The following CELF2 variants were observed in gnomAD, a reference collection of about 807,000 sequenced individuals.
The protein encoded by CELF2 is CUGBP Elav-like family member 2, also known as CUG triplet repeat RNA-binding protein 2.
Under a neutral mutation model 62.6 loss-of-function variants are expected in CELF2, and 8 were observed. That is an observed-to-expected ratio of 0.13 (90% CI 0.07 to 0.23). The LOEUF is 0.23. Ranked by LOEUF, CELF2 falls within the 10% of genes least tolerant of loss-of-function variation. The pLI, the probability that CELF2 is intolerant of heterozygous loss-of-function variation, is 1.00. For synonymous variants in CELF2, 258 were observed against 250.0 expected (o/e 1.03, Z -0.30); for missense variants, 333 against 671.0 (o/e 0.50, Z 5.56).
chr10:11,212,430 C>T (rs973772877), intron 2 of CELF2, among the ~76,000 whole-genome samples: 1 of 152,194 alleles, frequency 6.6e-6, no homozygotes, highest in African/African-American at 2.4e-5. Flanking sequence ...AAGGGCCCTG[C>T]TAGATGTTGA....
rs2066721766 is a variant in CELF2, at chr10:11,165,260, G to C, written c.75-226G>C. 2.4e-5 allele frequency: 33 copies of C among 1,373,786 alleles called. No individual in the cohort carries two copies. Among genetic ancestry groups the C allele is most frequent in the Non-Finnish European group, 2.4e-5 (26 of 1,063,048 alleles). 85.1% of individuals were successfully genotyped at this position (1,373,786 alleles called of 1,614,324 possible). A position where few individuals can be genotyped will look rare whatever the true frequency, so the allele number is the denominator to read the frequency against. On this transcript the variant is annotated intron_variant, in intron 1 of 12. Transcript: ENST00000633077. The surrounding 1 kb of genome is among the most constrained non-coding windows in gnomAD (Gnocchi z 7.4). ...CAGGGCGCTGCCCCGTGCTCCCCCG[G>C]CTCTGCTCGACAGCAGCACGCAGTG...
intron 4 of CELF2, among the ~76,000 whole-genome samples, chr10:11,249,521 A>T (rs2076533585): frequency 6.6e-6 from 1 of 152,110 alleles, no homozygotes; most frequent in South Asian, 2.1e-4. Context: ...AAAGCAATAC[A>T]GGGACATCTC....
At chr10:10,705,777 G>A in the CELF2 span, among the ~76,000 whole-genome samples, 33 of 152,246 alleles carry the variant, frequency 2.2e-4, no homozygotes, top group South Asian at 1.9e-3. Flanking sequence ...TGGCAACCTC[G>A]TAACACAGGA....
At chr10:11,273,784 C>G (rs2084843785) in intron 7 of CELF2, among the ~76,000 whole-genome samples, 2 of 151,738 alleles carry the variant, frequency 1.3e-5, no homozygotes, top group South Asian at 4.1e-4. Flanking sequence ...TGCTGTGGCA[C>G]CATCTCTGCT....
the CELF2 span, among the ~76,000 whole-genome samples, chr10:10,644,746 G>A: frequency 6.6e-6 from 1 of 152,174 alleles, no homozygotes; most frequent in Non-Finnish European, 1.5e-5. Flanking sequence ...AGTGTCTAAA[G>A]TATCTCCCCC....
the CELF2 span, among the ~76,000 whole-genome samples, chr10:10,718,732 A>G: frequency 6.6e-6 from 1 of 151,908 alleles, no homozygotes. Flanking sequence ...CTGTGCAGCT[A>G]TTGCTGCTGT....
chr10:10,906,592 C>T (rs767450716), intron 1 of CELF2, among the ~76,000 whole-genome samples: 1 of 151,792 alleles, frequency 6.6e-6, no homozygotes, highest in African/African-American at 2.4e-5. Context: ...AGACCTGTCA[C>T]AATCCAGGGG....
chr10:11,252,525 G>T (rs533591407), intron 4 of CELF2, among the ~76,000 whole-genome samples: 28 of 152,326 alleles, frequency 1.8e-4, no homozygotes, highest in African/African-American at 6.5e-4. Flanking sequence ...GTCACCCTTG[G>T]CAGCTTTCGT....
chr10:10,574,165 T>C, the CELF2 span, among the ~76,000 whole-genome samples: 133 of 152,266 alleles, frequency 8.7e-4, no homozygotes, highest in African/African-American at 3.2e-3. Flanking sequence ...ATGGGAATCA[T>C]GGGAAATAAA....
chr10:11,105,966 C>CA (rs2053329682), intron 1 of CELF2, among the ~76,000 whole-genome samples: 1 of 152,154 alleles, frequency 6.6e-6, no homozygotes, highest in Admixed American at 6.5e-5. Context: ...GTAATGAGAA[C>CA]AAAAAATCAA....
chr10:10,933,960 A>G (rs954387997), intron 2 of CELF2, among the ~76,000 whole-genome samples: 3 of 152,170 alleles, frequency 2.0e-5, no homozygotes, highest in Admixed American at 1.3e-4. Flanking sequence ...TATTTACCCA[A>G]TAGTGGGATG....
chr10:10,579,820 A>C, the CELF2 span, among the ~76,000 whole-genome samples: 2 of 152,028 alleles, frequency 1.3e-5, no homozygotes, highest in South Asian at 4.2e-4. Context: ...ATTGTTTTTC[A>C]GTAGGAGCTG....
chr10:11,223,369 G>A lies in CELF2; in HGVS notation c.354+5862G>A, dbSNP rs919924149. Among the ~76,000 whole-genome samples the A allele has an allele frequency of 1.2e-4, 18 of 152,202 alleles. No individual in the cohort carries two copies. The highest frequency in any genetic ancestry group is 8.5e-4 in the Admixed American group (13 of 15,286). On this transcript the variant is annotated intron_variant, in intron 3 of 12. Coordinates refer to ENST00000633077, the MANE Select transcript of CELF2 (RefSeq NM_001326342.2). This position sits in a 1 kb window ranked among gnomAD's most constrained non-coding sequence, Gnocchi z 5.1. ...GCATACAAACGTGTGGAACATACAC[G>A]TATTCCACACATGTATTCTGCTGCG...
At chr10:10,595,857 C>T in the CELF2 span, among the ~76,000 whole-genome samples, 1 of 152,072 alleles carries the variant, frequency 6.6e-6, no homozygotes. Context: ...GATGGCGCCA[C>T]TGCACTCCAG....
chr10:10,882,374 C>T (rs752007965), intron 1 of CELF2, among the ~76,000 whole-genome samples: 1 of 152,170 alleles, frequency 6.6e-6, no homozygotes, highest in African/African-American at 2.4e-5. Flanking sequence ...TGGTTTCCCT[C>T]GTAGTTTGTT....
intron 1 of CELF2, among the ~76,000 whole-genome samples, chr10:11,058,210 G>C (rs1478334679): frequency 6.6e-6 from 1 of 152,126 alleles, no homozygotes; most frequent in Non-Finnish European, 1.5e-5. Flanking sequence ...CTTGAGCTCA[G>C]CCATGCGGTA....
At chr10:10,616,299 T>G in the CELF2 span, among the ~76,000 whole-genome samples, 5 of 117,868 alleles carry the variant, frequency 4.2e-5, no homozygotes, top group South Asian at 2.5e-4. Flanking sequence ...GTTTGGGGTG[T>G]GTGTGTGTGT....
chr10:10,681,238 G>A, the CELF2 span, among the ~76,000 whole-genome samples: 1 of 152,046 alleles, frequency 6.6e-6, no homozygotes, highest in African/African-American at 2.4e-5. Context: ...AGTGACCTAT[G>A]GGCCCCAGGA....
At chr10:10,671,822 C>T in the CELF2 span, among the ~76,000 whole-genome samples, 2 of 152,038 alleles carry the variant, frequency 1.3e-5, no homozygotes, top group Non-Finnish European at 2.9e-5. Flanking sequence ...CTCTGCCTCC[C>T]GAGTTCAAGT....
Sources: allele counts gnomAD v4.1 joint callset (sites outside exome capture counted in the v4.1 genomes callset), GRCh38; gene constraint gnomAD v4.1.1; non-coding constraint Gnocchi (gnomAD v3.1); transcripts MANE v1.5; gene names NCBI Gene and HGNC (gene_info 2026-07-23, HGNC 2026-07-21).